ABCA10: variants seen among roughly 807,000 people sequenced by gnomAD.
ABCA10 encodes the protein ATP binding cassette subfamily A member 10.
In ABCA10, 169 loss-of-function variants were observed where a neutral mutation model predicts 187.5. The observed-to-expected ratio is 0.90, with a 90% CI of 0.80 to 1.02. The LOEUF (loss-of-function observed/expected upper bound fraction) is 1.02. ABCA10 is among the 50% of genes least tolerant of loss of function. The pLI, the probability that ABCA10 is intolerant of heterozygous loss-of-function variation, is 0.00. For synonymous variants in ABCA10, 574 were observed against 601.8 expected, an observed-to-expected ratio of 0.95 and a Z score of 0.68; for missense variants, 1,727 against 1,812.4, an observed-to-expected ratio of 0.95 and a Z score of 0.86.
At chr17:69,160,326 T>C (rs2074206069) in intron 27 of ABCA10, among the ~76,000 whole-genome samples, 1 of 152,132 alleles carries the variant, frequency 6.6e-6, no homozygotes, top group African/African-American at 2.4e-5. Context: ...GGGCAAATAA[T>C]GGCCGGGCAC....
At chr17:69,193,730 G>A in intron 13 of ABCA10, 84 bp downstream of exon 13, 2 of 1,561,198 alleles carry the variant, frequency 1.3e-6, no homozygotes, top group South Asian at 1.2e-5. Flanking sequence ...ACCTATCAAA[G>A]AGTAGAGTAA....
chr17:69,186,442 T>C (rs142082372), intron 19 of ABCA10, among the ~76,000 whole-genome samples: 60 of 152,294 alleles, frequency 3.9e-4, no homozygotes, highest in African/African-American at 1.3e-3. Context: ...CTTGTCAACA[T>C]TGCGATGAAT....
At chr17:69,152,248 A>G in intron 35 of ABCA10, 65 bp from the exon 36 acceptor site, 1 of 1,575,174 alleles carries the variant, frequency 6.3e-7, no homozygotes, top group Non-Finnish European at 8.6e-7. Context: ...CTCACTGTAG[A>G]GGAAGGTGTT....
chr17:69,158,639 T>C (rs753512014), intron 27 of ABCA10, among the ~76,000 whole-genome samples: 7 of 151,996 alleles, frequency 4.6e-5, no homozygotes, highest in Non-Finnish European at 1.0e-4. Flanking sequence ...AAAATAAACA[T>C]TAACAATAAT....
At chr17:69,160,623 A>C (rs962974991) in intron 27 of ABCA10, among the ~76,000 whole-genome samples, 1 of 152,168 alleles carries the variant, frequency 6.6e-6, no homozygotes, top group African/African-American at 2.4e-5. Flanking sequence ...AAACAAACAA[A>C]AAAACCAAAT....
intron 22 of ABCA10, among the ~76,000 whole-genome samples, chr17:69,181,842 A>T (rs1287036241): frequency 6.6e-6 from 1 of 151,742 alleles, no homozygotes; most frequent in Non-Finnish European, 1.5e-5. Context: ...ACCAGAAAAT[A>T]GTACACTCAG....
At position 69,214,599 on chromosome 17, in the gene ABCA10, T is replaced by C. The variant is rs183611610; in HGVS notation, c.1006+105A>G. On this transcript the variant is annotated intron_variant, in intron 9 of 38. Transcript: ENST00000690296. The stretch of plus-strand genomic sequence containing the variant: ...TCTATTGTTTTGAAATTTTTTCTTC[T>C]CTACTATCAGAAATGCTTCTTAAGT... The C allele has an allele frequency of 5.3e-4, 549 of 1,027,802 alleles. 3 individuals are homozygous for C. The African/African-American group carries it at 8.6e-3, about 16-fold the overall frequency. 63.7% of individuals were successfully genotyped at this position (1,027,802 alleles called of 1,614,324 possible). A position where few individuals can be genotyped will look rare whatever the true frequency, so the allele number is the denominator to read the frequency against.
chr17:69,172,163 T>C (rs925126823), intron 25 of ABCA10, among the ~76,000 whole-genome samples: 24 of 152,018 alleles, frequency 1.6e-4, no homozygotes, highest in African/African-American at 5.1e-4. Context: ...CCTCAAAATA[T>C]GGTGTTGGAA....
intron 22 of ABCA10, among the ~76,000 whole-genome samples, chr17:69,178,179 T>C (rs574519797): frequency 6.6e-6 from 1 of 151,132 alleles, no homozygotes; most frequent in African/African-American, 2.4e-5. Context: ...CGTAGCTTAG[T>C]GAAGTACACA....
rs4968843 is a variant in ABCA10, at chr17:69,148,056, G to A, written c.*771C>T. 0.76 allele frequency: 115,207 copies of A among 152,004 alleles called. 44,371 individuals are homozygous for A. Among genetic ancestry groups the A allele is most frequent in the African/African-American group, 0.88 (36,423 of 41,506 alleles). 9.4% of individuals were successfully genotyped at this position (152,004 alleles called of 1,614,324 possible). A position where few individuals can be genotyped will look rare whatever the true frequency, so the allele number is the denominator to read the frequency against. On this transcript the variant is annotated 3_prime_UTR_variant, in exon 39 of 39. Transcript: ENST00000690296. ...TAAGAAATAAACTTGCATATAACCC[G>A]AACGTAACAACTCTGGTATTACATC...
At chr17:69,171,694 T>C (rs2074298954) in intron 25 of ABCA10, among the ~76,000 whole-genome samples, 2 of 152,188 alleles carry the variant, frequency 1.3e-5, no homozygotes, top group Admixed American at 1.3e-4. Context: ...GGTTAGTCAA[T>C]GAGAGAGCCT....
At chr17:69,182,486 G>A (rs1219415761) in intron 21 of ABCA10, among the ~76,000 whole-genome samples, 189 bp downstream of exon 21, 1 of 151,948 alleles carries the variant, frequency 6.6e-6, no homozygotes, top group Non-Finnish European at 1.5e-5. Flanking sequence ...AAATGAAATG[G>A]ATTAACATTT....
upstream of ABCA10, among the ~76,000 whole-genome samples, chr17:69,229,741 G>C (rs1261301781): frequency 6.6e-6 from 1 of 151,620 alleles, no homozygotes; most frequent in Non-Finnish European, 1.5e-5. Flanking sequence ...TGTTGTTAGT[G>C]ACATTTCTCT....
chr17:69,193,003 C>T (rs1233367190), intron 15 of ABCA10, 107 bp downstream of exon 15: 1 of 1,455,580 alleles, frequency 6.9e-7, no homozygotes. Context: ...TGGGCTTCTG[C>T]AAATAAACTG....
intron 13 of ABCA10, 37 bp from the exon 14 acceptor site, chr17:69,193,649 TTTTAC>T: frequency 6.4e-7 from 1 of 1,567,124 alleles, no homozygotes; most frequent in Non-Finnish European, 8.7e-7. Context: ...ATATCAAATA[TTTTAC>T]TTTAAGGAGT....
At chr17:69,167,082 C>A (rs760172358) in intron 25 of ABCA10, among the ~76,000 whole-genome samples, 1 of 152,160 alleles carries the variant, frequency 6.6e-6, no homozygotes, top group Non-Finnish European at 1.5e-5. Context: ...TGGATTAGTT[C>A]CATGGATGCT....
Sources: allele counts gnomAD v4.1 joint callset (sites outside exome capture counted in the v4.1 genomes callset), GRCh38; gene constraint gnomAD v4.1.1; transcripts MANE v1.5; gene names NCBI Gene and HGNC (gene_info 2026-07-23, HGNC 2026-07-21).